Variants in COMMD5 observed in about 807,000 individuals in gnomAD.
The protein encoded by COMMD5 is COMM domain containing 5.
Under a neutral mutation model 6.9 loss-of-function variants are expected in COMMD5, and 10 were observed. The observed-to-expected ratio is 1.44, with a 90% CI of 0.89 to 2.45. COMMD5 has a LOEUF of 2.45. Ranked by LOEUF, COMMD5 falls within the 30% of genes most tolerant of loss-of-function variation. The pLI is 0.00. For missense variants in COMMD5, 234 were observed against 287.8 expected, an observed-to-expected ratio of 0.81 and a Z score of 1.35; for synonymous variants, 127 against 125.3, an observed-to-expected ratio of 1.01 and a Z score of -0.09.
At chr8:144,839,607 A>G (rs1278226495), downstream of COMMD5, among the ~76,000 whole-genome samples, 1 of 152,280 alleles carries the variant, frequency 6.6e-6, no homozygotes, top group Non-Finnish European at 1.5e-5. Context: ...AGAATCCCAC[A>G]GTAGGTGAGA....
At chr8:144,841,680 G>A (rs369414899) in exon 2 of COMMD5, 128 of 1,614,054 alleles carry the variant, frequency 7.9e-5, no homozygotes, top group Admixed American at 1.5e-4. Context: ...GAGAGAGTGC[G>A]GAAGGGATGT....
chr8:144,839,206 G>A (rs1401292178), downstream of COMMD5, among the ~76,000 whole-genome samples: 14 of 151,602 alleles, frequency 9.2e-5, no homozygotes, highest in Middle Eastern at 3.4e-3. Context: ...ATTCATATGC[G>A]CCTAGGGGCT....
downstream of COMMD5, among the ~76,000 whole-genome samples, chr8:144,845,806 T>C (rs2130756658): frequency 6.6e-6 from 1 of 152,290 alleles, no homozygotes; most frequent in East Asian, 1.9e-4. Context: ...AACTGCCTCT[T>C]CTCCAGCCAT....
downstream of COMMD5, among the ~76,000 whole-genome samples, chr8:144,839,170 C>T (rs1262951609): frequency 6.4e-5 from 9 of 140,016 alleles, no homozygotes; most frequent in African/African-American, 1.9e-4. Flanking sequence ...CATTCATATG[C>T]GCCTAGGGGC....
At chr8:144,847,638 A>T (rs1481798261), downstream of COMMD5, 1 of 152,188 alleles carries the variant, frequency 6.6e-6, no homozygotes, top group Non-Finnish European at 1.5e-5. Flanking sequence ...AGGCCATTTT[A>T]TAAATCCTCA....
intron 1 of COMMD5, chr8:144,842,856 C>T (rs1586842828): frequency 6.2e-7 from 1 of 1,614,160 alleles, no homozygotes; most frequent in African/African-American, 1.3e-5. Flanking sequence ...CCTATGAGTG[C>T]AGTGAGTGTG....
downstream of COMMD5, among the ~76,000 whole-genome samples, chr8:144,840,789 A>T (rs1030246069): frequency 1.3e-5 from 2 of 152,102 alleles, no homozygotes; most frequent in Non-Finnish European, 2.9e-5. Flanking sequence ...AGCAGCCAGG[A>T]GGCAGCTGAG....
exon 2 of COMMD5, chr8:144,841,189 T>A (rs1345606606): frequency 1.1e-5 from 8 of 702,554 alleles, no homozygotes; most frequent in Non-Finnish European, 1.9e-5. Context: ...AAACCACTTT[T>A]GAGAACTGTC....
At chr8:144,839,798 C>T (rs756134062), downstream of COMMD5, among the ~76,000 whole-genome samples, 3 of 152,176 alleles carry the variant, frequency 2.0e-5, no homozygotes, top group Admixed American at 6.5e-5. Context: ...AGATATTGGC[C>T]CAGAGCAGTG....
At chr8:144,845,608 T>G (rs188845997), downstream of COMMD5, among the ~76,000 whole-genome samples, 1 of 152,332 alleles carries the variant, frequency 6.6e-6, no homozygotes, top group Non-Finnish European at 1.5e-5. Context: ...ACACAGCATC[T>G]AATTAAGGCT....
chr8:144,850,924 CAAG>C lies in COMMD5; in HGVS notation c.412_414del (p.Leu138del), dbSNP rs749174941. ...GCCCCCTGCTGCTGGGCCACAGAAT[CAAG>C]GAGGGGCCGCTGGCTCCCAAATACC... On this transcript the variant is annotated inframe_deletion, in exon 2 of 2. Transcript: ENST00000305103. This position sits in a 1 kb window ranked among gnomAD's most constrained non-coding sequence, Gnocchi z 4.0. 7.8e-5 allele frequency: 126 copies of C among 1,607,838 alleles called. No homozygotes were observed. Among genetic ancestry groups the C allele is most frequent in the Non-Finnish European group, 1.1e-4 (125 of 1,177,822 alleles).
downstream of COMMD5, among the ~76,000 whole-genome samples, chr8:144,840,580 A>AGAGGT (rs1233927336): frequency 1.3e-5 from 2 of 152,206 alleles, no homozygotes; most frequent in African/African-American, 4.8e-5. Flanking sequence ...TGACCTCAGC[A>AGAGGT]GAGGTGCCCT....
chr8:144,849,204 T>A (rs1233361326), downstream of COMMD5, among the ~76,000 whole-genome samples: 4 of 152,192 alleles, frequency 2.6e-5, no homozygotes, highest in African/African-American at 9.7e-5. Context: ...GGACAGAGAA[T>A]GCAGGAAGTG....
At chr8:144,845,160 C>G (rs1392986116) in intron 1 of COMMD5, among the ~76,000 whole-genome samples, 3 of 152,182 alleles carry the variant, frequency 2.0e-5, no homozygotes, top group East Asian at 1.9e-4. Context: ...AACTGAGGGT[C>G]TGAGATTTCA....
chr8:144,838,205 C>G (rs1829310890), downstream of COMMD5: 3 of 697,762 alleles, frequency 4.3e-6, no homozygotes, highest in Non-Finnish European at 5.2e-6. Flanking sequence ...CCCTGCGTGT[C>G]TGTGTTCATG....
chr8:144,849,898 GGCTCTCA>G (rs1426926844), downstream of COMMD5, among the ~76,000 whole-genome samples: 2 of 152,180 alleles, frequency 1.3e-5, no homozygotes, highest in East Asian at 3.9e-4. Context: ...GTCCTTAAAA[GGCTCTCA>G]GGCCTTGACC....
At chr8:144,843,157 C>G in intron 1 of COMMD5, 1 of 1,587,926 alleles carries the variant, frequency 6.3e-7, no homozygotes, top group Non-Finnish European at 8.5e-7. Context: ...TCAAAAAATT[C>G]ACATGGGATA....
downstream of COMMD5, chr8:144,847,330 A>T (rs1830565324): frequency 6.6e-6 from 1 of 152,322 alleles, no homozygotes; most frequent in Non-Finnish European, 1.5e-5. Context: ...CTGTAATTCC[A>T]GCACTTTGAG....
downstream of COMMD5, chr8:144,838,986 A>G (rs992208926): frequency 6.8e-6 from 1 of 147,558 alleles, no homozygotes; most frequent in Non-Finnish European, 1.5e-5. Flanking sequence ...TCTTACTTCC[A>G]TTCATATGCG....
Sources: gnomAD v4.1 joint callset for allele counts (sites outside exome capture counted in the v4.1 genomes callset) on GRCh38, gnomAD v4.1.1 for gene constraint, Gnocchi (gnomAD v3.1) non-coding constraint, MANE v1.5 for transcripts, NCBI Gene and HGNC (gene_info 2026-07-23, HGNC 2026-07-21) for gene names.